Variants in DENND4C observed in about 807,000 individuals in gnomAD.
The protein encoded by DENND4C is DENN domain-containing protein 4C.
In DENND4C, 108 loss-of-function variants were observed where a neutral mutation model predicts 203.0. The ratio of observed to expected loss-of-function variants is 0.53; its 90% CI spans 0.46 to 0.62. The LOEUF (loss-of-function observed/expected upper bound fraction) is 0.62, where lower values mean the gene tolerates loss of function less well. Ranked by LOEUF, DENND4C falls within the 20% of genes least tolerant of loss-of-function variation. The pLI is 0.00. For synonymous variants in DENND4C, 871 were observed against 792.4 expected (o/e 1.10, Z -1.67); for missense variants, 2,481 against 2,301.2 (o/e 1.08, Z -1.60).
In DENND4C at chr9:19,346,108, G is replaced by T. The variant is rs772506615; in HGVS notation, c.3339G>T (p.Ser1113=). ...TGCTTAAGAAGAGTAGTTTGGATTC[G>T]AATTCAAGTGAAATGGCTATCATGA... ...GMLLKKSSLD[S]NSSEMAIMMG... The change falls in exon 23 of 33, where the codon TCG becomes TCT. Residue 1113 remains serine, a synonymous_variant. Coordinates refer to ENST00000434457, the MANE Select transcript of DENND4C (RefSeq NM_001330640.2). The T allele has an allele frequency of 6.2e-7, 1 of 1,614,184 alleles. No homozygotes were observed.
chr9:19,355,917 G>A (rs1178747273), intron 26 of DENND4C, among the ~76,000 whole-genome samples: 1 of 151,732 alleles, frequency 6.6e-6, no homozygotes, highest in Non-Finnish European at 1.5e-5. Context: ...CTTTAACACA[G>A]GTTTAAATTA....
rs1822937207 is a variant in DENND4C at position 19,346,598 on chromosome 9, A to G, written c.3829A>G (p.Ile1277Val). The change falls in exon 23 of 33, where the codon ATT becomes GTT. Residue 1277 changes from isoleucine to valine, a missense_variant. Around this residue, in one of 3 missense-constraint regions of DENND4C, gnomAD observed 2,289 missense variants for 2,113.3 expected, o/e 1.08. Transcript: ENST00000434457. ...TGAAGATAAGTTGTTTTCTCCAGTT[A>G]TTGCACGTAATCTGGCTGATGAAAT... ...DSEDKLFSPV[I>V]ARNLADEIES... 3 of 1,614,194 alleles carry G rather than the reference A, an allele frequency of 1.9e-6. No individual in the cohort carries two copies. The highest frequency in any genetic ancestry group is 1.1e-5 in the South Asian group (1 of 91,084).
chr9:19,359,900 C>T (rs148047262), intron 28 of DENND4C, among the ~76,000 whole-genome samples: 2 of 152,192 alleles, frequency 1.3e-5, no homozygotes, highest in African/African-American at 2.4e-5. Context: ...AAGATAATGT[C>T]ACACAGTTTT....
intron 1 of DENND4C, among the ~76,000 whole-genome samples, chr9:19,246,836 C>CG (rs972832895): frequency 1.3e-5 from 2 of 152,136 alleles, no homozygotes; most frequent in African/African-American, 4.8e-5. Flanking sequence ...TCTTAATTCT[C>CG]TAACTTCAAT....
intron 1 of DENND4C, among the ~76,000 whole-genome samples, chr9:19,236,772 T>C (rs570690900): frequency 6.6e-5 from 10 of 152,294 alleles, no homozygotes; most frequent in African/African-American, 2.4e-4. Context: ...AGCCTTATCT[T>C]CTTGCCCACT....
chr9:19,285,075 T>G (rs1264028239), intron 2 of DENND4C, among the ~76,000 whole-genome samples: 1 of 152,144 alleles, frequency 6.6e-6, no homozygotes, highest in East Asian at 1.9e-4. Flanking sequence ...TTTATTTTTT[T>G]CCAAATAATA....
rs762510625 is a variant in DENND4C at position 19,325,927 on chromosome 9, C to T, written c.1954-12C>T. On this transcript the variant is annotated splice_polypyrimidine_tract_variant and intron_variant, in intron 13 of 32. Transcript: ENST00000434457. Reference sequence around the variant, plus strand: ...GACATTTTCATTAAGAATCTGTTTTCTTTTTTTCTAGTTGTTTCCTGATAA... The same window carrying T: ...GACATTTTCATTAAGAATCTGTTTTTTTTTTTTCTAGTTGTTTCCTGATAA... 6.3e-7 allele frequency: 1 copy of T among 1,596,802 alleles called. No individual in the cohort carries two copies. The highest frequency in any genetic ancestry group is 8.5e-7 in the Non-Finnish European group (1 of 1,171,502).
At chr9:19,362,385 A>C (rs1474478025) in intron 30 of DENND4C, among the ~76,000 whole-genome samples, 1 of 152,196 alleles carries the variant, frequency 6.6e-6, no homozygotes, top group Non-Finnish European at 1.5e-5. Context: ...CATTCCATCC[A>C]TACTGTAGGA....
chr9:19,319,177 A>G lies in DENND4C; in HGVS notation c.1807+2338A>G, dbSNP rs992385341. Among the ~76,000 whole-genome samples the G allele has an allele frequency of 2.7e-5, 4 of 148,540 alleles. No homozygotes were observed. The East Asian group carries it at 5.8e-4, about 22-fold the overall frequency. On this transcript the variant is annotated intron_variant, in intron 12 of 32. Coordinates refer to ENST00000434457, the MANE Select transcript of DENND4C (RefSeq NM_001330640.2). ...GAAACTTCATCTCAAAAAAAAAAAT[A>G]TATGTATATATATACACGTATATAC...
chr9:19,261,967 G>A (rs1417224443), intron 1 of DENND4C, among the ~76,000 whole-genome samples: 4 of 149,024 alleles, frequency 2.7e-5, no homozygotes, highest in African/African-American at 7.4e-5. Flanking sequence ...TGGGAGTACT[G>A]TTTTCATTTC....
chr9:19,341,029 A>G lies in DENND4C; in HGVS notation c.2919A>G (p.Glu973=). ...ACCAAGGATACGGGTCTAAGGATGA[A>G]CTTATAAAGGATGATGCAGAAATTC... ...QSDQGYGSKD[E]LIKDDAEIHV... The change falls in exon 21 of 33, where the codon GAA becomes GAG. Residue 973 remains glutamate (E), a synonymous_variant. Transcript: ENST00000434457. The G allele has an allele frequency of 6.2e-7, 1 of 1,613,172 alleles. No homozygotes were observed.
chr9:19,342,106 A>G (rs1280526390), intron 21 of DENND4C, among the ~76,000 whole-genome samples: 2 of 148,014 alleles, frequency 1.4e-5, no homozygotes, highest in Non-Finnish European at 3.0e-5. Flanking sequence ...CCTGGGCGAC[A>G]AGAGCAAGAC....
At chr9:19,352,362 AAAAG>A in intron 25 of DENND4C, 124 bp from the exon 26 acceptor site, 1 of 1,089,246 alleles carries the variant, frequency 9.2e-7, no homozygotes, top group Non-Finnish European at 1.3e-6. Context: ...CCTGTGAAAT[AAAAG>A]AACTGTTATT....
intron 1 of DENND4C, among the ~76,000 whole-genome samples, chr9:19,261,893 ATTAGGTTAACCTTAAC>A (rs1829446134): frequency 1.3e-5 from 2 of 151,892 alleles, no homozygotes; most frequent in East Asian, 3.9e-4. Context: ...TTCTTTGATT[ATTAGGTTAACCTTAAC>A]TTAGGTTAAC....
intron 18 of DENND4C, 147 bp from the exon 19 acceptor site, chr9:19,336,123 T>A: frequency 1.6e-6 from 1 of 615,078 alleles, no homozygotes; most frequent in Non-Finnish European, 2.5e-6. Flanking sequence ...TAGTAATGTT[T>A]AGCATTTTTT....
intron 1 of DENND4C, among the ~76,000 whole-genome samples, chr9:19,254,338 G>A (rs1827392141): frequency 1.3e-5 from 2 of 152,322 alleles, no homozygotes; most frequent in Admixed American, 6.5e-5. Flanking sequence ...AGTAACGTTA[G>A]TGTCCATCGA....
rs1834042250 is a variant in DENND4C, at chr9:19,281,548, TTTA to T, written c.305+5071_305+5073del. ...GCTAAACTTTTGTCTTTTTTACTGT[TTTA>T]TAAACTGAGATGAGGTATTTATAAA... On this transcript the variant is annotated intron_variant, in intron 2 of 32. Coordinates refer to ENST00000434457, the MANE Select transcript of DENND4C (RefSeq NM_001330640.2). Among the ~76,000 whole-genome samples the T allele has an allele frequency of 2.0e-5, 3 of 152,344 alleles. No individual in the cohort carries two copies. In the South Asian group the frequency reaches 6.2e-4, roughly 32 times the overall value.
chr9:19,347,640 C>G (rs1823199995), intron 23 of DENND4C, among the ~76,000 whole-genome samples: 1 of 152,044 alleles, frequency 6.6e-6, no homozygotes, highest in Admixed American at 6.6e-5. Flanking sequence ...GTAACTTGAA[C>G]CGTATATGTA....
chr9:19,348,286 C>T (rs1823346162), intron 23 of DENND4C, among the ~76,000 whole-genome samples: 1 of 152,122 alleles, frequency 6.6e-6, no homozygotes, highest in South Asian at 2.1e-4. Context: ...GATTTGAAGT[C>T]AGAGAGATTG....
Sources: gnomAD v4.1 joint callset for allele counts (sites outside exome capture counted in the v4.1 genomes callset) on GRCh38, gnomAD v4.1.1 for gene constraint, gnomAD v4.1.1 regional missense constraint, MANE v1.5 for transcripts, NCBI Gene and HGNC (gene_info 2026-07-23, HGNC 2026-07-21) for gene names.